The following ASTN1 variants were observed in gnomAD, a reference collection of about 807,000 sequenced individuals.
ASTN1 encodes astrotactin-1.
A neutral mutation model predicts 140.7 loss-of-function variants in ASTN1; 41 were observed. The ratio of observed to expected loss-of-function variants is 0.29; its 90% CI spans 0.23 to 0.38. The LOEUF (loss-of-function observed/expected upper bound fraction) is 0.38, where lower values mean the gene tolerates loss of function less well. Ranked by LOEUF, ASTN1 falls within the 10% of genes least tolerant of loss-of-function variation. The probability of loss-of-function intolerance (pLI) is 1.00; values close to 1 mark genes in which losing one functional copy is unlikely to be tolerated. For synonymous variants in ASTN1, 640 were observed against 652.2 expected, an observed-to-expected ratio of 0.98 and a Z score of 0.29; for missense variants, 1,479 against 1,678.8, an observed-to-expected ratio of 0.88 and a Z score of 2.08.
At chr1:176,873,984 T>C (rs1668459567) in intron 21 of ASTN1, among the ~76,000 whole-genome samples, 1 of 152,174 alleles carries the variant, frequency 6.6e-6, no homozygotes, top group South Asian at 2.1e-4. Flanking sequence ...TTTCTACCTA[T>C]CCATCCCTGT....
Position 176,963,148 on chromosome 1 carries a change from C to T in ASTN1, c.1598+2015G>A, listed in dbSNP as rs147547491. On this transcript the variant is annotated intron_variant, in intron 9 of 22. Coordinates refer to ENST00000361833, the MANE Select transcript of ASTN1 (RefSeq NM_004319.3). Reference sequence around the variant, plus strand: ...AAAAGGTTCTCTAGAAGAAGAGTGGCTCATTTAGAGGAAATTGTATGTTGG... The same window carrying T: ...AAAAGGTTCTCTAGAAGAAGAGTGGTTCATTTAGAGGAAATTGTATGTTGG... Among the ~76,000 whole-genome samples the T allele has an allele frequency of 3.0e-3, 461 of 152,212 alleles. 3 individuals are homozygous for T. Among genetic ancestry groups the T allele is most frequent in the African/African-American group, 0.01 (436 of 41,528 alleles).
At chr1:176,869,090 C>T (rs1668239139) in intron 21 of ASTN1, 63 bp from the exon 22 acceptor site, 1 of 1,122,438 alleles carries the variant, frequency 8.9e-7, no homozygotes, top group Non-Finnish European at 1.2e-6. Flanking sequence ...TATATATACA[C>T]ACATTATATA....
intron 1 of ASTN1, among the ~76,000 whole-genome samples, chr1:177,121,172 T>C (rs1681366095): frequency 6.6e-6 from 1 of 152,020 alleles, no homozygotes; most frequent in South Asian, 2.1e-4. Context: ...GACTAAGAGA[T>C]AGGACACCAA....
intron 1 of ASTN1, among the ~76,000 whole-genome samples, chr1:177,160,988 T>C (rs1647328315): frequency 6.6e-6 from 1 of 152,192 alleles, no homozygotes; most frequent in South Asian, 2.1e-4. Flanking sequence ...ATTCAAAGCA[T>C]TTTAAAAACC....
intron 1 of ASTN1, among the ~76,000 whole-genome samples, chr1:177,092,981 T>C (rs754218219): frequency 9.8e-5 from 15 of 152,292 alleles, no homozygotes; most frequent in Admixed American, 3.3e-4. Context: ...TTAAAGAAGT[T>C]AGTTATAGAA....
rs117508282 is a variant in ASTN1, at chr1:176,965,046, C to T, written c.1598+117G>A. 417 of 931,536 alleles carry T rather than the reference C, an allele frequency of 4.5e-4. 8 individuals are homozygous for T. The East Asian group carries it at 9.4e-3, about 21-fold the overall frequency. The allele number at this position is 931,536 out of a possible 1,614,324, so 57.7% of individuals were successfully genotyped here. ...GCAAACACTTTTGTTAGCAGGTGGT[C>T]GTGACAACTCAAGGTGTTTCCTATT... On this transcript the variant is annotated intron_variant, in intron 9 of 22. Transcript: ENST00000361833.
intron 8 of ASTN1, among the ~76,000 whole-genome samples, chr1:177,002,983 G>T (rs888266109): frequency 6.6e-6 from 1 of 151,232 alleles, no homozygotes; most frequent in Non-Finnish European, 1.5e-5. Context: ...AAAAAAAAAA[G>T]GCCAAAACGA....
chr1:177,107,604 C>G (rs1680612663), intron 1 of ASTN1, among the ~76,000 whole-genome samples: 1 of 152,144 alleles, frequency 6.6e-6, no homozygotes, highest in Non-Finnish European at 1.5e-5. Context: ...TCCCTGTGGG[C>G]TGGCCTTGAG....
rs369286973 is a variant in ASTN1, at chr1:176,943,849, C to T, written c.2377+42G>A. On this transcript the variant is annotated intron_variant, in intron 14 of 22. Coordinates refer to ENST00000361833, the MANE Select transcript of ASTN1 (RefSeq NM_004319.3). ...AATTTTATGAAACTGCAGGGAGCTG[C>T]CTGTTTGTGCCAGTTGAATAAGGTT... is the stretch of plus-strand genomic sequence containing the variant. 2.6e-6 allele frequency: 4 copies of T among 1,539,364 alleles called. No homozygotes were observed. In the African/African-American group the frequency reaches 4.2e-5, roughly 16 times the overall value.
At chr1:176,988,348 T>C (rs1049274704) in intron 8 of ASTN1, among the ~76,000 whole-genome samples, 2 of 150,696 alleles carry the variant, frequency 1.3e-5, no homozygotes, top group Non-Finnish European at 2.9e-5. Context: ...TCCTTTTAGA[T>C]CCCCAAATGT....
intron 11 of ASTN1, among the ~76,000 whole-genome samples, chr1:176,956,520 T>C (rs893108523): frequency 6.6e-6 from 1 of 152,128 alleles, no homozygotes; most frequent in Admixed American, 6.5e-5. Flanking sequence ...AGCACAGCTG[T>C]CAGACTGGAA....
At chr1:176,897,517 G>T (rs13375345) in intron 16 of ASTN1, among the ~76,000 whole-genome samples, 6,563 of 151,894 alleles carry the variant, frequency 0.043, 428 homozygotes, top group African/African-American at 0.15. Context: ...GAATTTCCAC[G>T]ACATGACCGC....
intron 1 of ASTN1, among the ~76,000 whole-genome samples, chr1:177,149,172 A>T (rs59312678): frequency 1.1e-5 from 1 of 94,092 alleles, no homozygotes; most frequent in African/African-American, 8.0e-5. Flanking sequence ...ATATATAGTA[A>T]ATATATAGTG....
chr1:177,003,672 TA>T (rs1267726038), intron 8 of ASTN1, among the ~76,000 whole-genome samples: 1 of 151,126 alleles, frequency 6.6e-6, no homozygotes, highest in African/African-American at 2.4e-5. Flanking sequence ...ATTAGCTGGG[TA>T]TGGTGGCAGG....
chr1:177,019,953 C>T (rs543287625), intron 7 of ASTN1, among the ~76,000 whole-genome samples: 5 of 152,156 alleles, frequency 3.3e-5, no homozygotes, highest in South Asian at 2.1e-4. Flanking sequence ...GGTGCAATCT[C>T]GGCTCACTGC....
At chr1:176,873,691 C>T (rs1668444579) in intron 21 of ASTN1, among the ~76,000 whole-genome samples, 1 of 152,156 alleles carries the variant, frequency 6.6e-6, no homozygotes, top group Non-Finnish European at 1.5e-5. Context: ...TAGTCTAAGT[C>T]ATTAATTCTG....
At chr1:177,139,367 C>T (rs1682353318) in intron 1 of ASTN1, among the ~76,000 whole-genome samples, 1 of 152,168 alleles carries the variant, frequency 6.6e-6, no homozygotes, top group Admixed American at 6.5e-5. Context: ...AAGAGAGGGA[C>T]TCATTCTGGT....
intron 1 of ASTN1, among the ~76,000 whole-genome samples, chr1:177,078,372 C>T (rs1449756850): frequency 6.6e-6 from 1 of 152,150 alleles, no homozygotes; most frequent in Non-Finnish European, 1.5e-5. Context: ...AGTCACTGTG[C>T]CCTGTAAGCA....
At chr1:177,075,640 CTTTTCTT>C (rs1170537343) in intron 1 of ASTN1, among the ~76,000 whole-genome samples, 63 of 122,904 alleles carry the variant, frequency 5.1e-4, no homozygotes, top group African/African-American at 1.8e-3. Context: ...CTTTTCTTTT[CTTTTCTT>C]TTTTTTTTTT....
Sources: allele counts gnomAD v4.1 joint callset (sites outside exome capture counted in the v4.1 genomes callset), GRCh38; gene constraint gnomAD v4.1.1; transcripts MANE v1.5; gene names NCBI Gene and HGNC (gene_info 2026-07-23, HGNC 2026-07-21).